The following GRIN2B variants were observed in gnomAD, a reference collection of about 807,000 sequenced individuals.
GRIN2B encodes glutamate receptor ionotropic, NMDA 2B.
GRIN2B carries 5 observed loss-of-function variants against 114.5 expected under a neutral mutation model. The ratio of observed to expected loss-of-function variants is 0.04; its 90% confidence interval spans 0.02 to 0.09. The LOEUF (loss-of-function observed/expected upper bound fraction) is 0.09, where lower values mean the gene tolerates loss of function less well. Ranked by LOEUF, GRIN2B falls within the 10% of genes least tolerant of loss-of-function variation. GRIN2B has a pLI of 1.00. For missense variants in GRIN2B, 1,108 were observed against 1,943.5 expected (o/e 0.57, Z 8.08); for synonymous variants, 787 against 745.1 (o/e 1.06, Z -0.92).
intron 2 of GRIN2B, among the ~76,000 whole-genome samples, chr12:13,927,921 C>CCCA (rs1220020666): frequency 7.5e-6 from 1 of 133,172 alleles, no homozygotes; most frequent in Non-Finnish European, 1.5e-5. Context: ...GAGCTGTGAT[C>CCCA]CCACCACTGC....
intron 3 of GRIN2B, among the ~76,000 whole-genome samples, chr12:13,807,315 C>T (rs1331677009): frequency 6.6e-6 from 1 of 152,102 alleles, no homozygotes; most frequent in African/African-American, 2.4e-5. Flanking sequence ...TGTGAGTAGT[C>T]GCTGTGTGGA....
chr12:13,741,214 T>G (rs1364927364), intron 4 of GRIN2B, among the ~76,000 whole-genome samples: 1 of 152,052 alleles, frequency 6.6e-6, no homozygotes, highest in Non-Finnish European at 1.5e-5. Context: ...GTATTTTTAG[T>G]AGAGACAGGG....
intron 3 of GRIN2B, among the ~76,000 whole-genome samples, chr12:13,757,120 G>A (rs1591714497): frequency 6.6e-6 from 1 of 152,040 alleles, no homozygotes; most frequent in Non-Finnish European, 1.5e-5. Context: ...ATTTTATTTT[G>A]CCAAGCCCTT....
intron 5 of GRIN2B, among the ~76,000 whole-genome samples, chr12:13,657,222 C>G (rs926223820): frequency 1.3e-5 from 2 of 152,148 alleles, no homozygotes; most frequent in Non-Finnish European, 2.9e-5. Flanking sequence ...AAACCACTTC[C>G]TGTCTTGGAG....
chr12:13,722,374 T>C lies in GRIN2B; in HGVS notation c.1010+30943A>G, dbSNP rs181753329. On this transcript the variant is annotated intron_variant, in intron 4 of 13. Transcript: ENST00000609686. The stretch of plus-strand genomic sequence containing the variant: ...AAAGGAAAAAGCCTGAGATCCAAAA[T>C]TTAAGAGTTCAAAAAAGCGAAATTC... Among the ~76,000 whole-genome samples, 47 of 152,140 alleles carry C rather than the reference T, an allele frequency of 3.1e-4. 2 individuals carry two copies. The highest frequency in any genetic ancestry group is 2.8e-3 in the Admixed American group (43 of 15,266).
At position 13,543,590 on chromosome 12, in the gene GRIN2B, A is replaced by C. The variant is rs1948309223; in HGVS notation, c.*19193T>G. Reference sequence around the variant, plus strand: ...GACTGAAGAAAACAAATTTCTTTAAACTCATAATCATAAAAACTCAAATAA... The same window carrying C: ...GACTGAAGAAAACAAATTTCTTTAACCTCATAATCATAAAAACTCAAATAA... On this transcript the variant is annotated 3_prime_UTR_variant, in exon 14 of 14. Transcript: ENST00000609686. The C allele has an allele frequency of 6.6e-6, 1 of 152,158 alleles. No homozygotes were observed. The highest frequency in any genetic ancestry group is 6.5e-5 in the Admixed American group (1 of 15,278). 9.4% of individuals were successfully genotyped at this position (152,158 alleles called of 1,614,324 possible). A position where few individuals can be genotyped will look rare whatever the true frequency, so the allele number is the denominator to read the frequency against.
chr12:13,811,344 G>C (rs188650777), intron 3 of GRIN2B, among the ~76,000 whole-genome samples: 2 of 152,316 alleles, frequency 1.3e-5, no homozygotes, highest in Non-Finnish European at 2.9e-5. Context: ...TTTACTTTAG[G>C]AAGCTGAGCC....
chr12:13,909,773 AG>A (rs1466688635), intron 2 of GRIN2B, among the ~76,000 whole-genome samples: 1 of 152,242 alleles, frequency 6.6e-6, no homozygotes, highest in East Asian at 1.9e-4. Flanking sequence ...TAGAGAGAAA[AG>A]GGTGCTGTAA....
Position 13,788,519 on chromosome 12 carries a change from G to T in GRIN2B, c.412-34604C>A, listed in dbSNP as rs190868412. On this transcript the variant is annotated intron_variant, in intron 3 of 13. Transcript: ENST00000609686. ...GCTCACAAGAGAGCCTTGGAAGTCAGCCACCCAACCTCGTTTTAAAAATGA... is the reference window on the plus strand; with the variant it reads ...GCTCACAAGAGAGCCTTGGAAGTCATCCACCCAACCTCGTTTTAAAAATGA... Among the ~76,000 whole-genome samples, 309 of 152,232 alleles carry T rather than the reference G, an allele frequency of 2.0e-3. 7 individuals carry two copies. Among genetic ancestry groups the T allele is most frequent in the Non-Finnish European group, 3.5e-4 (24 of 68,010 alleles).
intron 3 of GRIN2B, among the ~76,000 whole-genome samples, chr12:13,808,752 A>AAAAAT (rs1555142377): frequency 2.7e-5 from 3 of 109,896 alleles, no homozygotes; most frequent in African/African-American, 8.8e-5. Flanking sequence ...ATAAAAAAAA[A>AAAAAT]ATATATATAT....
At chr12:13,973,773 C>T (rs1862971520) in intron 2 of GRIN2B, among the ~76,000 whole-genome samples, 1 of 152,130 alleles carries the variant, frequency 6.6e-6, no homozygotes, top group African/African-American at 2.4e-5. Flanking sequence ...GCTAATGAAA[C>T]AAATACAAAC....
chr12:13,663,761 A>G (rs1949946976), intron 5 of GRIN2B, among the ~76,000 whole-genome samples: 1 of 152,156 alleles, frequency 6.6e-6, no homozygotes, highest in Non-Finnish European at 1.5e-5. Flanking sequence ...GCCAAAACCC[A>G]ACTAGTTTGT....
At chr12:13,610,811 C>A (rs1169832211) in intron 9 of GRIN2B, among the ~76,000 whole-genome samples, 2 of 152,158 alleles carry the variant, frequency 1.3e-5, no homozygotes, top group Non-Finnish European at 2.9e-5. Flanking sequence ...GTGGTCTAAG[C>A]CCCAACCTAG....
chr12:13,704,716 A>G (rs1047205895), intron 4 of GRIN2B, among the ~76,000 whole-genome samples: 7 of 152,334 alleles, frequency 4.6e-5, no homozygotes, highest in African/African-American at 1.7e-4. Flanking sequence ...TAAATGAGAT[A>G]AAACAGCATC....
intron 3 of GRIN2B, among the ~76,000 whole-genome samples, chr12:13,786,906 C>G (rs1301182244): frequency 6.6e-6 from 1 of 151,800 alleles, no homozygotes; most frequent in Non-Finnish European, 1.5e-5. Context: ...CCTAGTCCTC[C>G]CGGTTTGAGA....
At chr12:13,757,995 T>C (rs1863609457) in intron 3 of GRIN2B, among the ~76,000 whole-genome samples, 1 of 152,122 alleles carries the variant, frequency 6.6e-6, no homozygotes, top group Admixed American at 6.6e-5. Flanking sequence ...CCCCTGGCAA[T>C]AGGGCTTCCA....
intron 3 of GRIN2B, among the ~76,000 whole-genome samples, chr12:13,844,189 G>C (rs926557564): frequency 6.6e-6 from 1 of 152,218 alleles, no homozygotes; most frequent in African/African-American, 2.4e-5. Flanking sequence ...GATAAGGTGA[G>C]AGGCTGTAGA....
intron 2 of GRIN2B, among the ~76,000 whole-genome samples, chr12:13,928,543 A>T (rs1866960110): frequency 6.6e-6 from 1 of 152,226 alleles, no homozygotes; most frequent in African/African-American, 2.4e-5. Context: ...ATAAAAACAG[A>T]ACAGTTATAA....
chr12:13,880,769 C>T (rs1866059702), intron 2 of GRIN2B, among the ~76,000 whole-genome samples: 1 of 152,214 alleles, frequency 6.6e-6, no homozygotes, highest in Non-Finnish European at 1.5e-5. Context: ...AACCTAAGTA[C>T]AATGACCCTG....
Sources: allele counts gnomAD v4.1 joint callset (sites outside exome capture counted in the v4.1 genomes callset), GRCh38; gene constraint gnomAD v4.1.1; transcripts MANE v1.5; gene names NCBI Gene and HGNC (gene_info 2026-07-23, HGNC 2026-07-21).